Variants in DIP2C observed in about 807,000 individuals in gnomAD.
The protein encoded by DIP2C is DIP2 acetate--CoA ligase C (putative), also known as disco-interacting protein 2 homolog C.
DIP2C carries 33 observed loss-of-function variants against 192.4 expected under a neutral mutation model. That is an observed-to-expected ratio of 0.17 (90% CI 0.13 to 0.23). DIP2C has a LOEUF of 0.23. Among genes scored for constraint, DIP2C ranks in the 10% least tolerant of loss-of-function variants. DIP2C has a pLI of 1.00. For synonymous variants in DIP2C, 979 were observed against 864.1 expected (o/e 1.13, Z -2.33); for missense variants, 1,537 against 2,110.1 (o/e 0.73, Z 5.32).
chr10:604,288 TAATG>T (rs1273054796), intron 1 of DIP2C, among the ~76,000 whole-genome samples: 1 of 152,206 alleles, frequency 6.6e-6, no homozygotes, highest in African/African-American at 2.4e-5. Context: ...GTTTTCCTCC[TAATG>T]AACACATCAG....
intron 1 of DIP2C, among the ~76,000 whole-genome samples, chr10:675,573 G>A (rs1830845858): frequency 6.6e-6 from 1 of 151,922 alleles, no homozygotes; most frequent in Admixed American, 6.6e-5. Flanking sequence ...AGTAAAATTA[G>A]AAACAGAAAA....
intron 17 of DIP2C, among the ~76,000 whole-genome samples, chr10:373,758 GCT>G (rs1961256096): frequency 6.6e-6 from 1 of 152,102 alleles, no homozygotes; most frequent in African/African-American, 2.4e-5. Flanking sequence ...AAAAGAACCT[GCT>G]CTCCATTATC....
At chr10:334,433 T>A (rs899265616) in intron 29 of DIP2C, among the ~76,000 whole-genome samples, 2 of 152,180 alleles carry the variant, frequency 1.3e-5, no homozygotes, top group African/African-American at 4.8e-5. Flanking sequence ...TGTCTTTTGA[T>A]ATACAAAAGT....
chr10:292,008 A>T lies in DIP2C; in HGVS notation c.3987-3587T>A, dbSNP rs145118411. ...TGTGACTGAGCCACCAAAAGGACCA[A>T]GTCATGCTGTAAGAAGACTCTCATC... On this transcript the variant is annotated intron_variant, in intron 32 of 36. Coordinates refer to ENST00000280886, the MANE Select transcript of DIP2C (RefSeq NM_014974.3). Among the ~76,000 whole-genome samples, 116 of 152,330 alleles carry T rather than the reference A, an allele frequency of 7.6e-4. No homozygotes were observed. The South Asian group carries it at 0.017, about 23-fold the overall frequency.
intron 29 of DIP2C, among the ~76,000 whole-genome samples, chr10:338,484 A>C (rs146766472): frequency 9.2e-4 from 139 of 151,860 alleles, no homozygotes; most frequent in Non-Finnish European, 1.3e-3. Context: ...TCTGTGTTTA[A>C]ATATGTCTCG....
At position 456,068 on chromosome 10, in the gene DIP2C, T is replaced by C. The variant is rs77001029; in HGVS notation, c.269-15072A>G. ...AGTGAGTCCCTGCCTGAGGGGAGAC[T>C]GTGAGGAATAAATGAGATGAAAACA... On this transcript the variant is annotated intron_variant, in intron 3 of 36. Coordinates refer to ENST00000280886, the MANE Select transcript of DIP2C (RefSeq NM_014974.3). Among the ~76,000 whole-genome samples, 9 of 53,242 alleles carry C rather than the reference T, an allele frequency of 1.7e-4. No individual in the cohort carries two copies. The East Asian group carries it at 2.0e-3, about 12-fold the overall frequency. 34.9% of individuals were successfully genotyped at this position (53,242 alleles called of 152,430 possible).
chr10:394,317 G>A (rs74512618), intron 10 of DIP2C, among the ~76,000 whole-genome samples: 1 of 151,866 alleles, frequency 6.6e-6, no homozygotes. Context: ...GAGGAGGGAA[G>A]CCTGCTCTGT....
chr10:521,586 G>C (rs531380652), intron 1 of DIP2C, among the ~76,000 whole-genome samples: 1 of 152,246 alleles, frequency 6.6e-6, no homozygotes, highest in East Asian at 1.9e-4. Context: ...TAGGATCCTG[G>C]CTATCCTGGC....
intron 1 of DIP2C, among the ~76,000 whole-genome samples, chr10:620,451 T>C (rs921012869): frequency 1.1e-4 from 16 of 152,096 alleles, no homozygotes; most frequent in African/African-American, 3.6e-4. Context: ...CACCCATTCC[T>C]AGGGGGCCTC....
chr10:668,868 T>A (rs1409003662), intron 1 of DIP2C: 1 of 152,222 alleles, frequency 6.6e-6, no homozygotes, highest in African/African-American at 2.4e-5. Flanking sequence ...AAACCCTTTT[T>A]TCATTTTACA....
chr10:283,025 G>A (rs187933015), intron 35 of DIP2C, among the ~76,000 whole-genome samples: 4 of 152,258 alleles, frequency 2.6e-5, no homozygotes, highest in East Asian at 1.9e-4. Context: ...GCCCCTCTCC[G>A]GTTTTCAGTC....
intron 1 of DIP2C, among the ~76,000 whole-genome samples, chr10:513,368 T>A (rs535340831): frequency 6.6e-6 from 1 of 152,246 alleles, no homozygotes; most frequent in African/African-American, 2.4e-5. Flanking sequence ...TTTTTAAAAT[T>A]GTTTGTCGCG....
At chr10:653,725 G>A (rs890701798) in intron 1 of DIP2C, among the ~76,000 whole-genome samples, 22 of 152,146 alleles carry the variant, frequency 1.4e-4, no homozygotes, top group African/African-American at 5.1e-4. Flanking sequence ...GGGAACAGAC[G>A]GCCCACCAAT....
intron 1 of DIP2C, among the ~76,000 whole-genome samples, chr10:606,889 T>G (rs1434699587): frequency 6.6e-6 from 1 of 152,140 alleles, no homozygotes; most frequent in African/African-American, 2.4e-5. Flanking sequence ...GCTGGAGGCC[T>G]GTCATGGTGA....
At chr10:459,640 G>T (rs923988475) in intron 3 of DIP2C, among the ~76,000 whole-genome samples, 9 of 149,102 alleles carry the variant, frequency 6.0e-5, no homozygotes, top group Non-Finnish European at 1.0e-4. Flanking sequence ...TCCTTCATCT[G>T]GGCTCTAGGG....
chr10:337,238 G>A (rs1345627092), intron 29 of DIP2C, among the ~76,000 whole-genome samples: 3 of 14,402 alleles, frequency 2.1e-4, no homozygotes, highest in African/African-American at 4.4e-4. Context: ...GGCCTAGGCC[G>A]GTGTGTGTGT....
At chr10:512,967 A>T (rs1212035359) in intron 1 of DIP2C, among the ~76,000 whole-genome samples, 3 of 150,954 alleles carry the variant, frequency 2.0e-5, no homozygotes, top group Non-Finnish European at 2.9e-5. Flanking sequence ...TTTTCATTTA[A>T]GGGAAGGGAG....
Position 480,236 on chromosome 10 carries a change from C to A in DIP2C, c.157+6223G>T, listed in dbSNP as rs555973718. 7.3e-5 allele frequency among the ~76,000 whole-genome samples: 11 copies of A among 151,058 alleles called. No homozygotes were observed. The South Asian group carries it at 1.9e-3, about 26-fold the overall frequency. On this transcript the variant is annotated intron_variant, in intron 2 of 36. Transcript: ENST00000280886. ...CCACCAGCCTGAGCTCCGGTCCATG[C>A]TCACTGGATGAGGGTCTCATCCACC...
At chr10:475,870 A>AG (rs1842992775) in intron 2 of DIP2C, among the ~76,000 whole-genome samples, 1 of 152,194 alleles carries the variant, frequency 6.6e-6, no homozygotes, top group Non-Finnish European at 1.5e-5. Context: ...GGGGCAGCAG[A>AG]GGGGCATACC....
Sources: allele counts gnomAD v4.1 joint callset (sites outside exome capture counted in the v4.1 genomes callset), GRCh38; gene constraint gnomAD v4.1.1; transcripts MANE v1.5; gene names NCBI Gene and HGNC (gene_info 2026-07-23, HGNC 2026-07-21).